Variants in MALRD1 observed in about 807,000 individuals in gnomAD.
MALRD1 encodes the protein MAM and LDL receptor class A domain containing 1.
Under a neutral mutation model 242.1 loss-of-function variants are expected in MALRD1, and 247 were observed. The observed-to-expected ratio is 1.02, with a 90% CI of 0.92 to 1.13. The LOEUF is 1.13. Among genes scored for constraint, MALRD1 ranks in the 50% most tolerant of loss-of-function variants. MALRD1 has a pLI of 0.00. For missense variants in MALRD1, 2,989 were observed against 2,533.1 expected, an observed-to-expected ratio of 1.18 and a Z score of -3.86; for synonymous variants, 995 against 866.6, an observed-to-expected ratio of 1.15 and a Z score of -2.60.
chr10:19,700,639 C>G (rs1339296192), intron 38 of MALRD1, among the ~76,000 whole-genome samples: 1 of 152,184 alleles, frequency 6.6e-6, no homozygotes, highest in East Asian at 1.9e-4. Context: ...AAGATAATAT[C>G]TGTCTCTAAC....
chr10:19,640,034 C>A (rs1564507874), intron 36 of MALRD1, among the ~76,000 whole-genome samples: 1 of 152,098 alleles, frequency 6.6e-6, no homozygotes, highest in Admixed American at 6.6e-5. Context: ...GCAGTTACTC[C>A]CCATTGACTG....
At chr10:19,718,477 A>G (rs748105349) in intron 38 of MALRD1, among the ~76,000 whole-genome samples, 8 of 152,178 alleles carry the variant, frequency 5.3e-5, no homozygotes, top group Non-Finnish European at 1.0e-4. Context: ...ACCAAATCAC[A>G]TGAACTCAAC....
rs75827109 is a variant in MALRD1, at chr10:19,529,235, C to T, written c.5321-1959C>T. ...ACTATTTTACCAGAACCTAACCAAC[C>T]TAGGGGAATAGAAATGCCCAATTAT... On this transcript the variant is annotated intron_variant, in intron 31 of 39. Coordinates refer to ENST00000454679, the MANE Select transcript of MALRD1 (RefSeq NM_001142308.3). 3.1e-3 allele frequency among the ~76,000 whole-genome samples: 473 copies of T among 152,190 alleles called. 17 individuals carry two copies. The East Asian group carries it at 0.06, about 19-fold the overall frequency.
intron 21 of MALRD1, among the ~76,000 whole-genome samples, chr10:19,301,071 T>C (rs1435083945): frequency 6.6e-6 from 1 of 151,978 alleles, no homozygotes; most frequent in African/African-American, 2.4e-5. Flanking sequence ...CAGACACTTG[T>C]CAAAGTTACA....
chr10:19,340,351 T>A (rs367838584), intron 24 of MALRD1, among the ~76,000 whole-genome samples: 133 of 151,982 alleles, frequency 8.8e-4, no homozygotes, highest in African/African-American at 3.1e-3. Context: ...GCTAACTTTT[T>A]TTTTTTTGTA....
At chr10:19,181,157 C>T (rs1835486296) in intron 14 of MALRD1, among the ~76,000 whole-genome samples, 3 of 152,104 alleles carry the variant, frequency 2.0e-5, no homozygotes, top group Admixed American at 2.0e-4. Context: ...ATGGAGGTTT[C>T]TAAAGAAATT....
chr10:19,308,681 T>C, intron 21 of MALRD1, among the ~76,000 whole-genome samples: 1 of 151,570 alleles, frequency 6.6e-6, no homozygotes, highest in Non-Finnish European at 1.5e-5. Context: ...CTGGCCGTAC[T>C]TGTCCTACTG....
At chr10:19,193,618 C>A (rs1055490499) in intron 14 of MALRD1, among the ~76,000 whole-genome samples, 1 of 152,050 alleles carries the variant, frequency 6.6e-6, no homozygotes, top group Non-Finnish European at 1.5e-5. Context: ...AATATTAATG[C>A]AATTGCACTT....
At chr10:19,442,050 A>T (rs1026013008) in intron 28 of MALRD1, among the ~76,000 whole-genome samples, 13 of 152,070 alleles carry the variant, frequency 8.5e-5, no homozygotes, top group African/African-American at 2.9e-4. Context: ...GTCCTTCACA[A>T]ACCTTGTAAG....
At chr10:19,097,894 C>G (rs1434755250) in intron 4 of MALRD1, among the ~76,000 whole-genome samples, 2 of 152,172 alleles carry the variant, frequency 1.3e-5, no homozygotes, top group African/African-American at 4.8e-5. Context: ...GAGCACATCT[C>G]CCCATGATCT....
intron 2 of MALRD1, among the ~76,000 whole-genome samples, chr10:19,081,619 G>T (rs1223296336): frequency 6.6e-6 from 1 of 151,970 alleles, no homozygotes; most frequent in Non-Finnish European, 1.5e-5. Context: ...TGTCAGGAGG[G>T]GAGAGGGGAG....
intron 19 of MALRD1, among the ~76,000 whole-genome samples, chr10:19,270,098 T>C (rs1440089339): frequency 3.3e-5 from 5 of 152,142 alleles, no homozygotes; most frequent in African/African-American, 1.2e-4. Context: ...GTGGATCACC[T>C]GAGGTCAGGA....
intron 2 of MALRD1, among the ~76,000 whole-genome samples, chr10:19,070,836 CTTTTTTTTTTTTTT>C (rs3042437): frequency 2.9e-4 from 15 of 52,472 alleles, no homozygotes; most frequent in South Asian, 1.1e-3. Flanking sequence ...AAATGACAAA[CTTTTTTTTTTTTTT>C]TTTTTTTTTT....
chr10:19,466,979 TGCCTG>T (rs1253273892), intron 29 of MALRD1, among the ~76,000 whole-genome samples: 1 of 152,160 alleles, frequency 6.6e-6, no homozygotes, highest in Non-Finnish European at 1.5e-5. Context: ...AACATGTTCA[TGCCTG>T]GCGTCTGTCT....
At chr10:19,573,986 G>T (rs1459329181) in intron 33 of MALRD1, among the ~76,000 whole-genome samples, 3 of 152,118 alleles carry the variant, frequency 2.0e-5, no homozygotes, top group Non-Finnish European at 4.4e-5. Context: ...GTAAAGAAAA[G>T]AAATGTCATC....
At chr10:19,571,247 CA>C (rs1336589708) in intron 33 of MALRD1, among the ~76,000 whole-genome samples, 1 of 152,044 alleles carries the variant, frequency 6.6e-6, no homozygotes, top group African/African-American at 2.4e-5. Flanking sequence ...TGTTCTGGAG[CA>C]AATGTTTATC....
intron 29 of MALRD1, among the ~76,000 whole-genome samples, chr10:19,487,877 G>A (rs1037913533): frequency 6.6e-6 from 1 of 151,952 alleles, no homozygotes; most frequent in Non-Finnish European, 1.5e-5. Context: ...AATTATTTTT[G>A]GATATCATAC....
chr10:19,472,865 G>A (rs747178257), intron 29 of MALRD1, among the ~76,000 whole-genome samples: 51 of 150,008 alleles, frequency 3.4e-4, no homozygotes, highest in Non-Finnish European at 5.8e-4. Flanking sequence ...TTTAATTTTT[G>A]TCTCATTCCC....
At chr10:19,613,355 A>G (rs796716302) in intron 35 of MALRD1, among the ~76,000 whole-genome samples, 11 of 152,134 alleles carry the variant, frequency 7.2e-5, no homozygotes, top group African/African-American at 2.6e-4. Context: ...TTAAAATATA[A>G]CATTATCTTT....
Sources: gnomAD v4.1 joint callset for allele counts (sites outside exome capture counted in the v4.1 genomes callset) on GRCh38, gnomAD v4.1.1 for gene constraint, MANE v1.5 for transcripts, NCBI Gene and HGNC (gene_info 2026-07-23, HGNC 2026-07-21) for gene names.